Variants in CTNNA3 observed in about 807,000 individuals in gnomAD.
CTNNA3 encodes the protein catenin alpha 3.
Under a neutral mutation model 95.7 loss-of-function variants are expected in CTNNA3, and 76 were observed. The observed-to-expected ratio is 0.79, with a 90% CI of 0.66 to 0.96. CTNNA3 has a LOEUF of 0.96. CTNNA3 is among the 40% of genes least tolerant of loss of function. The pLI is 0.00. For synonymous variants in CTNNA3, 431 were observed against 374.4 expected (o/e 1.15, Z -1.74); for missense variants, 1,191 against 1,089.8 (o/e 1.09, Z -1.31).
chr10:66,646,471 G>T (rs1043678836), intron 9 of CTNNA3, among the ~76,000 whole-genome samples: 9 of 152,116 alleles, frequency 5.9e-5, no homozygotes, highest in African/African-American at 2.2e-4. Flanking sequence ...GCAAGTGGAA[G>T]GGGTAGGGAG....
chr10:67,108,524 G>A (rs552043390), intron 7 of CTNNA3, among the ~76,000 whole-genome samples: 1 of 152,216 alleles, frequency 6.6e-6, no homozygotes, highest in Admixed American at 6.5e-5. Flanking sequence ...TATGATGTGA[G>A]ACACAGTGAT....
rs369759247 is a variant in CTNNA3 at position 67,239,651 on chromosome 10, A to T, written c.580-19781T>A. Among the ~76,000 whole-genome samples the T allele has an allele frequency of 5.9e-5, 9 of 152,268 alleles. No individual in the cohort carries two copies. The South Asian group carries it at 6.2e-4, about 11-fold the overall frequency. ...TCTGAATGTATGTTATACTTTAATT[A>T]AAAAAGCTTCACATAAAATCAAGGA... On this transcript the variant is annotated intron_variant, in intron 5 of 17. Coordinates refer to ENST00000433211, the MANE Select transcript of CTNNA3 (RefSeq NM_013266.4).
At chr10:66,340,504 T>C (rs2092442734) in intron 12 of CTNNA3, among the ~76,000 whole-genome samples, 1 of 151,838 alleles carries the variant, frequency 6.6e-6, no homozygotes, top group South Asian at 2.1e-4. Flanking sequence ...AAATTTTCTA[T>C]ATTTGTTTTA....
chr10:65,998,280 C>T (rs969954221), intron 15 of CTNNA3, among the ~76,000 whole-genome samples: 1 of 152,136 alleles, frequency 6.6e-6, no homozygotes, highest in Non-Finnish European at 1.5e-5. Context: ...GGGAGCCAAA[C>T]ACCTATATAA....
chr10:67,259,571 A>G (rs957500632), intron 5 of CTNNA3, among the ~76,000 whole-genome samples: 1 of 152,214 alleles, frequency 6.6e-6, no homozygotes, highest in Admixed American at 6.5e-5. Flanking sequence ...GTTTGGAAAG[A>G]TGATAATAAG....
At chr10:66,771,953 A>G (rs1450202096) in intron 8 of CTNNA3, among the ~76,000 whole-genome samples, 6 of 152,158 alleles carry the variant, frequency 3.9e-5, no homozygotes, top group Non-Finnish European at 5.9e-5. Context: ...GGTTTCATGG[A>G]AGCAATAGCA....
At chr10:66,686,038 C>A (rs181451764) in intron 9 of CTNNA3, among the ~76,000 whole-genome samples, 2 of 152,206 alleles carry the variant, frequency 1.3e-5, no homozygotes, top group African/African-American at 4.8e-5. Context: ...TTTCCATATG[C>A]ACAGTTTATG....
At chr10:66,111,310 C>A (rs1391909013) in intron 13 of CTNNA3, among the ~76,000 whole-genome samples, 1 of 152,200 alleles carries the variant, frequency 6.6e-6, no homozygotes, top group Non-Finnish European at 1.5e-5. Flanking sequence ...GAGGCCCCTC[C>A]AGCCATGCTT....
intron 13 of CTNNA3, among the ~76,000 whole-genome samples, chr10:66,199,772 T>C (rs1490472094): frequency 2.9e-4 from 2 of 6,982 alleles, no homozygotes; most frequent in African/African-American, 4.7e-4. Context: ...TGGCTATATA[T>C]ATATATATAT....
At chr10:66,988,019 CTTTA>C (rs1850829293) in intron 7 of CTNNA3, among the ~76,000 whole-genome samples, 1 of 152,084 alleles carries the variant, frequency 6.6e-6, no homozygotes. Context: ...AGTATCAAAA[CTTTA>C]TTTAATATAA....
intron 12 of CTNNA3, among the ~76,000 whole-genome samples, chr10:66,355,823 T>G (rs2132406037): frequency 6.6e-6 from 1 of 152,064 alleles, no homozygotes; most frequent in Admixed American, 6.5e-5. Context: ...CTTTTAAGAG[T>G]TTTCTATTGT....
intron 13 of CTNNA3, among the ~76,000 whole-genome samples, chr10:66,230,509 T>C (rs1342376673): frequency 1.3e-5 from 2 of 152,138 alleles, no homozygotes; most frequent in Non-Finnish European, 2.9e-5. Flanking sequence ...GCTGCAATTA[T>C]TTGTGAAATC....
intron 9 of CTNNA3, among the ~76,000 whole-genome samples, chr10:66,643,646 A>G (rs1158061760): frequency 6.6e-6 from 1 of 152,180 alleles, no homozygotes; most frequent in Admixed American, 6.5e-5. Context: ...GTTGTAACAC[A>G]TAAAGGGGTT....
At chr10:66,409,226 T>G (rs1156926274) in intron 11 of CTNNA3, among the ~76,000 whole-genome samples, 1 of 152,118 alleles carries the variant, frequency 6.6e-6, no homozygotes, top group Admixed American at 6.6e-5. Flanking sequence ...AATGGGAAAT[T>G]CCTGGGAAAG....
chr10:67,578,996 G>GATATATATATAT (rs533690910), intron 3 of CTNNA3, among the ~76,000 whole-genome samples: 35 of 87,318 alleles, frequency 4.0e-4, no homozygotes, highest in Non-Finnish European at 5.2e-4. Context: ...TGATCATAGT[G>GATATATATATAT]ATATATATAT....
At chr10:66,744,810 G>GA (rs1849448338) in intron 9 of CTNNA3, among the ~76,000 whole-genome samples, 1 of 152,108 alleles carries the variant, frequency 6.6e-6, no homozygotes, top group Non-Finnish European at 1.5e-5. Context: ...ATGAATAAAT[G>GA]AAACTCCTGA....
chr10:67,335,394 T>A (rs911470654), intron 5 of CTNNA3, among the ~76,000 whole-genome samples: 7 of 152,214 alleles, frequency 4.6e-5, no homozygotes, highest in Non-Finnish European at 1.0e-4. Flanking sequence ...AAATTTATTT[T>A]GACACCAAAC....
intron 17 of CTNNA3, among the ~76,000 whole-genome samples, chr10:65,933,872 T>C (rs1363337907): frequency 6.6e-6 from 1 of 152,176 alleles, no homozygotes; most frequent in Non-Finnish European, 1.5e-5. Context: ...AGGTGTTTCA[T>C]GTGACCCAGT....
chr10:66,422,877 C>CCT (rs772632244), intron 11 of CTNNA3, among the ~76,000 whole-genome samples: 5 of 151,814 alleles, frequency 3.3e-5, no homozygotes, highest in African/African-American at 1.2e-4. Context: ...TGATCCACCT[C>CCT]CCTCGGCCTA....
Sources: allele counts gnomAD v4.1 joint callset (sites outside exome capture counted in the v4.1 genomes callset), GRCh38; gene constraint gnomAD v4.1.1; transcripts MANE v1.5; gene names NCBI Gene and HGNC (gene_info 2026-07-23, HGNC 2026-07-21).